CPED1: variants seen among roughly 807,000 people sequenced by gnomAD.
The protein encoded by CPED1 is cadherin like and PC-esterase domain containing 1.
In CPED1, 114 loss-of-function variants were observed where a neutral mutation model predicts 128.2. That is an observed-to-expected ratio of 0.89 (90% CI 0.76 to 1.04). The LOEUF is 1.04. Among genes scored for constraint, CPED1 ranks in the 50% least tolerant of loss-of-function variants. The pLI is 0.00. For synonymous variants in CPED1, 462 were observed against 426.7 expected, an observed-to-expected ratio of 1.08 and a Z score of -1.02; for missense variants, 1,211 against 1,207.1, an observed-to-expected ratio of 1.00 and a Z score of -0.05.
intron 14 of CPED1, among the ~76,000 whole-genome samples, chr7:121,137,352 G>A (rs993165711): frequency 6.6e-5 from 10 of 152,002 alleles, no homozygotes; most frequent in Non-Finnish European, 1.5e-4. Context: ...ATGCAATTTT[G>A]TATAGAAAGG....
intron 3 of CPED1, among the ~76,000 whole-genome samples, chr7:121,035,943 A>G (rs1464881853): frequency 2.0e-5 from 3 of 152,160 alleles, no homozygotes; most frequent in Non-Finnish European, 4.4e-5. Context: ...TCTCTTCTAG[A>G]GTATTACTGG....
chr7:121,059,941 G>A (rs553126748), intron 4 of CPED1, among the ~76,000 whole-genome samples: 16 of 152,292 alleles, frequency 1.1e-4, no homozygotes, highest in Admixed American at 7.8e-4. Context: ...GACCGGAGCC[G>A]TCTCCCTCAG....
At chr7:121,013,745 T>G (rs1792221581) in intron 2 of CPED1, among the ~76,000 whole-genome samples, 1 of 152,184 alleles carries the variant, frequency 6.6e-6, no homozygotes, top group Non-Finnish European at 1.5e-5. Context: ...TGTCTATGAA[T>G]TTTCAGCTAG....
intron 3 of CPED1, among the ~76,000 whole-genome samples, chr7:121,040,689 T>C (rs901142541): frequency 3.9e-5 from 6 of 151,970 alleles, no homozygotes; most frequent in African/African-American, 1.4e-4. Flanking sequence ...AAATGAACAG[T>C]GAACAGATAA....
chr7:121,149,785 G>C (rs1796110855), intron 16 of CPED1: 1 of 152,122 alleles, frequency 6.6e-6, no homozygotes, highest in East Asian at 1.9e-4. Context: ...TATTCTGCTT[G>C]AGTAGCTGGA....
intron 18 of CPED1, among the ~76,000 whole-genome samples, chr7:121,258,849 G>C (rs1006159373): frequency 6.6e-6 from 1 of 152,002 alleles, no homozygotes; most frequent in Non-Finnish European, 1.5e-5. Flanking sequence ...CTGTTGCCAG[G>C]AATAAATAGT....
In CPED1 at chr7:121,074,509, G is replaced by GTTTTTTTTTTTTTT. The variant is rs1157885862; in HGVS notation, c.616+10201_616+10214dup. On this transcript the variant is annotated intron_variant, in intron 5 of 22. Coordinates refer to ENST00000310396, the MANE Select transcript of CPED1 (RefSeq NM_024913.5). Reference sequence around the variant, plus strand: ...TTCCTTACTAATAAATTTCCTTTGTGTTTTTTTTTTTTTTTTTTGAGGGCA... The same window carrying GTTTTTTTTTTTTTT: ...TTCCTTACTAATAAATTTCCTTTGTGTTTTTTTTTTTTTTTTTTTTTTTTTTTTTTTTGAGGGCA... 1.3e-3 allele frequency among the ~76,000 whole-genome samples: 108 copies of GTTTTTTTTTTTTTT among 80,834 alleles called. 17 individuals are homozygous for GTTTTTTTTTTTTTT. Among genetic ancestry groups the GTTTTTTTTTTTTTT allele is most frequent in the Admixed American group, 2.4e-3 (12 of 5,054 alleles). 53.0% of individuals were successfully genotyped at this position (80,834 alleles called of 152,430 possible).
chr7:121,073,216 ATG>A (rs1158345092), intron 5 of CPED1, among the ~76,000 whole-genome samples: 1 of 152,220 alleles, frequency 6.6e-6, no homozygotes, highest in Non-Finnish European at 1.5e-5. Flanking sequence ...AGAAAACAAT[ATG>A]TTATTAAGAA....
intron 16 of CPED1, among the ~76,000 whole-genome samples, chr7:121,204,364 TA>T (rs1797470850): frequency 6.6e-6 from 1 of 151,958 alleles, no homozygotes; most frequent in South Asian, 2.1e-4. Flanking sequence ...CATCTCTAAA[TA>T]AAAAATATTG....
In CPED1 at chr7:121,074,051, A is replaced by G. The variant is rs187695930; in HGVS notation, c.616+9738A>G. 6.2e-3 allele frequency among the ~76,000 whole-genome samples: 938 copies of G among 152,194 alleles called. 8 individuals are homozygous for G. The highest frequency in any genetic ancestry group is 8.8e-3 in the Non-Finnish European group (601 of 68,000). ...GGAGCTCTCTTCCATAGCTCTGACA[A>G]TCCTTTCCAAAGAGTACTGTGTATA... On this transcript the variant is annotated intron_variant, in intron 5 of 22. Transcript: ENST00000310396.
At chr7:121,157,121 C>G (rs994439673) in intron 16 of CPED1, among the ~76,000 whole-genome samples, 1 of 152,194 alleles carries the variant, frequency 6.6e-6, no homozygotes. Context: ...ATTGGCATTA[C>G]TAACCACCAC....
chr7:121,157,503 C>T (rs545485115), intron 16 of CPED1, among the ~76,000 whole-genome samples: 1 of 152,232 alleles, frequency 6.6e-6, no homozygotes, highest in East Asian at 1.9e-4. Flanking sequence ...GCTCTGTGGC[C>T]AGTAGCCAGT....
At chr7:121,248,541 G>T (rs1798592657) in intron 18 of CPED1, among the ~76,000 whole-genome samples, 1 of 139,788 alleles carries the variant, frequency 7.2e-6, no homozygotes, top group Non-Finnish European at 1.5e-5. Flanking sequence ...CTGGATCATA[G>T]CCCAAACTGC....
intron 3 of CPED1, among the ~76,000 whole-genome samples, chr7:121,035,930 G>A (rs544882644): frequency 6.6e-6 from 1 of 151,882 alleles, no homozygotes; most frequent in African/African-American, 2.4e-5. Flanking sequence ...TTTCAGCAGG[G>A]CATCTCTTCT....
chr7:121,042,366 C>A (rs992159454), intron 3 of CPED1, among the ~76,000 whole-genome samples: 8 of 152,056 alleles, frequency 5.3e-5, no homozygotes, highest in African/African-American at 1.9e-4. Flanking sequence ...TCTGAGCTTC[C>A]AAAGACAAAC....
chr7:121,207,783 C>A (rs1316411247), intron 16 of CPED1, among the ~76,000 whole-genome samples: 4 of 151,952 alleles, frequency 2.6e-5, no homozygotes, highest in Non-Finnish European at 5.9e-5. Context: ...AACACTGCAG[C>A]AAAGAGAACA....
Position 121,015,786 on chromosome 7 carries a change from A to T in CPED1, c.371A>T (p.Tyr124Phe), listed in dbSNP as rs1792286999. Residue 124 changes from tyrosine to phenylalanine, a missense_variant, in exon 3 of 23, where the codon TAT (tyrosine) becomes TTT (phenylalanine). Tyr to Phe is a conservative substitution (Grantham distance 22). Coordinates refer to ENST00000310396, the MANE Select transcript of CPED1 (RefSeq NM_024913.5). ...CAGCACATTCTGACTCAACATGGCTATACGGTTGTCATCGCTGAAGAAAGG... is the reference window on the plus strand; with the variant it reads ...CAGCACATTCTGACTCAACATGGCTTTACGGTTGTCATCGCTGAAGAAAGG... ...LHQHILTQHG[Y>F]TVVIAEERLN... is the part of the protein sequence containing the mutation. 1 of 1,604,144 alleles carries T rather than the reference A, an allele frequency of 6.2e-7. No individual in the cohort carries two copies. The highest frequency in any genetic ancestry group is 1.3e-5 in the African/African-American group (1 of 74,280).
At chr7:121,006,609 TC>T (rs1218546606) in intron 2 of CPED1, among the ~76,000 whole-genome samples, 2 of 151,042 alleles carry the variant, frequency 1.3e-5, no homozygotes, top group African/African-American at 4.9e-5. Context: ...TCAAATTGTG[TC>T]AAAAAAGGAA....
At chr7:121,149,510 AT>A (rs1216330862) in intron 16 of CPED1, 1 of 152,216 alleles carries the variant, frequency 6.6e-6, no homozygotes, top group Non-Finnish European at 1.5e-5. Context: ...TTTGTTTTGC[AT>A]GTTTCTCCAA....
Sources: allele counts gnomAD v4.1 joint callset (sites outside exome capture counted in the v4.1 genomes callset), GRCh38; gene constraint gnomAD v4.1.1; transcripts MANE v1.5; gene names NCBI Gene and HGNC (gene_info 2026-07-23, HGNC 2026-07-21).